SFXN3: variants seen among roughly 807,000 people sequenced by gnomAD.
SFXN3 encodes the protein sideroflexin 3.
Under a neutral mutation model 40.4 loss-of-function variants are expected in SFXN3, and 31 were observed. The ratio of observed to expected loss-of-function variants is 0.77; its 90% CI spans 0.58 to 1.04. SFXN3 has a LOEUF of 1.04. Ranked by LOEUF, SFXN3 falls within the 50% of genes least tolerant of loss-of-function variation. SFXN3 has a pLI of 0.00. For synonymous variants in SFXN3, 157 were observed against 160.0 expected (o/e 0.98, Z 0.14); for missense variants, 366 against 408.2 (o/e 0.90, Z 0.89).
At chr10:101,032,104 G>A (rs1479524262) in intron 1 of SFXN3, 6 of 247,160 alleles carry the variant, frequency 2.4e-5, no homozygotes, top group Non-Finnish European at 7.7e-6. Context: ...CACCTAGACC[G>A]CTTGCTGCAG....
chr10:101,034,191 T>C (rs1194366381), intron 2 of SFXN3, among the ~76,000 whole-genome samples: 1 of 152,152 alleles, frequency 6.6e-6, no homozygotes, highest in East Asian at 1.9e-4. Context: ...GGAAGAAACC[T>C]TGGACGATAC....
chr10:101,034,720 A>T (rs778018959), exon 3 of SFXN3: 2 of 1,614,094 alleles, frequency 1.2e-6, no homozygotes, highest in South Asian at 2.2e-5. Flanking sequence ...TTAGACATCA[A>T]CATCCAGGAA....
intron 4 of SFXN3, 153 bp downstream of exon 4, chr10:101,035,820 C>A: frequency 8.5e-7 from 1 of 1,177,222 alleles, no homozygotes; most frequent in Non-Finnish European, 1.2e-6. Flanking sequence ...TCTCTCACCC[C>A]AGAGACAGTA....
At chr10:101,035,638 C>A (rs1031027483) in exon 4 of SFXN3, 1 of 1,613,232 alleles carries the variant, frequency 6.2e-7, no homozygotes, top group Non-Finnish European at 8.5e-7. Flanking sequence ...TGAACATGAC[C>A]ATCACTGGCT....
chr10:101,037,490 C>G (rs1171921412), intron 9 of SFXN3, 59 bp downstream of exon 9: 1 of 1,613,622 alleles, frequency 6.2e-7, no homozygotes, highest in Non-Finnish European at 8.5e-7. Context: ...AGTGACCAGG[C>G]CCCAACTCTC....
intron 3 of SFXN3, 69 bp downstream of exon 3, chr10:101,034,924 T>C: frequency 6.4e-7 from 1 of 1,550,884 alleles, no homozygotes. Flanking sequence ...ATATGTTTTG[T>C]ACCTGCCTCC....
exon 3 of SFXN3, chr10:101,034,848 A>G: frequency 6.2e-7 from 1 of 1,613,690 alleles, no homozygotes; most frequent in Non-Finnish European, 8.5e-7. Flanking sequence ...CATCGTGCAG[A>G]ACTACAGGTG....
intron 8 of SFXN3, 47 bp from the exon 9 acceptor site, chr10:101,037,335 T>A (rs202243909): frequency 1.7e-4 from 280 of 1,613,956 alleles, no homozygotes; most frequent in Non-Finnish European, 2.2e-4. Context: ...TTCCTGACTT[T>A]AACTCCACTA....
intron 10 of SFXN3, 93 bp downstream of exon 10, chr10:101,038,785 C>A (rs1198668543): frequency 3.8e-6 from 6 of 1,570,338 alleles, no homozygotes; most frequent in Non-Finnish European, 4.3e-6. Flanking sequence ...TGTTTATAGA[C>A]ATCATCCATT....
At chr10:101,032,861 T>C (rs1404535322) in intron 2 of SFXN3, among the ~76,000 whole-genome samples, 6 of 152,120 alleles carry the variant, frequency 3.9e-5, no homozygotes, top group Admixed American at 3.3e-4. Context: ...AGTCATTCTG[T>C]AGGATTCTGC....
intron 9 of SFXN3, chr10:101,037,657 A>T: frequency 1.4e-6 from 2 of 1,432,790 alleles, no homozygotes; most frequent in Non-Finnish European, 1.8e-6. Flanking sequence ...AACCAACTTC[A>T]TCAGTGTTAC....
chr10:101,035,318 A>G (rs1378357603), intron 3 of SFXN3, among the ~76,000 whole-genome samples, 179 bp from the exon 4 acceptor site: 1 of 152,246 alleles, frequency 6.6e-6, no homozygotes, highest in Admixed American at 6.5e-5. Context: ...TAGAAATAGG[A>G]GCCTCCACTT....
rs1938639415 is a variant in SFXN3 at position 101,036,962 on chromosome 10, A to T, written c.594-114A>T. 6.5e-7 allele frequency: 1 copy of T among 1,528,806 alleles called. No homozygotes were observed. Among genetic ancestry groups the T allele is most frequent in the Admixed American group, 2.0e-5 (1 of 49,556 alleles). 94.7% of individuals were successfully genotyped at this position (1,528,806 alleles called of 1,614,324 possible). A position where few individuals can be genotyped will look rare whatever the true frequency, so the allele number is the denominator to read the frequency against. ...TGACCCTGGGATCCTCAGGTGGGAGAACCAGCCTTTGAGCCTGGGGTGTGT... is the reference window on the plus strand; with the variant it reads ...TGACCCTGGGATCCTCAGGTGGGAGTACCAGCCTTTGAGCCTGGGGTGTGT... On this transcript the variant is annotated intron_variant, in intron 7 of 11. Coordinates refer to ENST00000393459, the Ensembl canonical transcript of SFXN3. The surrounding 1 kb of genome is among the most constrained non-coding windows in gnomAD (Gnocchi z 4.2).
exon 8 of SFXN3, chr10:101,037,086 G>T: frequency 6.2e-7 from 1 of 1,613,910 alleles, no homozygotes. Flanking sequence ...AGAGCTGCAG[G>T]TGGGCATCCC....
At chr10:101,037,527 A>C in intron 9 of SFXN3, 96 bp downstream of exon 9, 2 of 1,610,942 alleles carry the variant, frequency 1.2e-6, no homozygotes, top group Non-Finnish European at 1.7e-6. Context: ...ATTCTCTAAG[A>C]CTTGCCAGCC....
rs1938628923 is a variant in SFXN3 at position 101,036,775 on chromosome 10, C to T, written c.560C>T (p.Ala187Val). ...GTGCCCTTTGCAGCAGTGGCAGCTG[C>T]CAACTGCATCAACATCCCCCTGATG... is the stretch of plus-strand genomic sequence containing the variant. Residue 187 changes from alanine (A) to valine (V), a missense_variant, in exon 7 of 12, where the codon GCC (alanine) becomes GTC (valine). Physicochemically the swap from Ala to Val is moderately conservative, Grantham distance 64. Coordinates refer to ENST00000393459, the Ensembl canonical transcript of SFXN3. This position sits in a 1 kb window ranked among gnomAD's most constrained non-coding sequence, Gnocchi z 4.2. 3.1e-6 allele frequency: 5 copies of T among 1,613,894 alleles called. No homozygotes were observed. Among genetic ancestry groups the T allele is most frequent in the Admixed American group, 1.7e-5 (1 of 60,018 alleles).
Position 101,039,028 on chromosome 10 carries a change from A to T in SFXN3, c.822-147A>T, listed in dbSNP as rs1938764200. 10 of 709,992 alleles carry T rather than the reference A, an allele frequency of 1.4e-5. No homozygotes were observed. The South Asian group carries it at 1.6e-4, about 12-fold the overall frequency. 44.0% of individuals were successfully genotyped at this position (709,992 alleles called of 1,614,324 possible). A position where few individuals can be genotyped will look rare whatever the true frequency, so the allele number is the denominator to read the frequency against. On this transcript the variant is annotated intron_variant, in intron 10 of 11. Transcript: ENST00000393459. This position sits in a 1 kb window ranked among gnomAD's most constrained non-coding sequence, Gnocchi z 4.6. ...TCTCTTTCCTCAGAACCTGATGTCC[A>T]GGTTGGGTTTACTATTCCTAAAAGG... is the stretch of plus-strand genomic sequence containing the variant.
intron 4 of SFXN3, 66 bp downstream of exon 4, chr10:101,035,733 T>C: frequency 6.5e-7 from 1 of 1,546,782 alleles, no homozygotes; most frequent in Non-Finnish European, 8.7e-7. Flanking sequence ...CTAGGTGCGC[T>C]TCTTGTCTGG....
chr10:101,038,360 A>G, intron 9 of SFXN3: 1 of 1,353,858 alleles, frequency 7.4e-7, no homozygotes, highest in Non-Finnish European at 9.5e-7. Context: ...CTCCTGGAGG[A>G]AGTGAGGGAA....
Sources: allele counts gnomAD v4.1 joint callset (sites outside exome capture counted in the v4.1 genomes callset), GRCh38; gene constraint gnomAD v4.1.1; non-coding constraint Gnocchi (gnomAD v3.1); transcripts MANE v1.5; gene names NCBI Gene and HGNC (gene_info 2026-07-23, HGNC 2026-07-21).